Variants in HSPH1 observed in about 807,000 individuals in gnomAD.
HSPH1 encodes the protein heat shock protein family H (Hsp110) member 1.
Under a neutral mutation model 100.0 loss-of-function variants are expected in HSPH1, and 40 were observed. That is an observed-to-expected ratio of 0.40 (90% CI 0.31 to 0.52). HSPH1 has a LOEUF of 0.52. Among genes scored for constraint, HSPH1 ranks in the 20% least tolerant of loss-of-function variants. The pLI is 0.54. For synonymous variants in HSPH1, 403 were observed against 344.0 expected, an observed-to-expected ratio of 1.17 and a Z score of -1.90; for missense variants, 876 against 1,015.1, an observed-to-expected ratio of 0.86 and a Z score of 1.86.
chr13:31,149,945 A>G lies in HSPH1; in HGVS notation c.1137+9T>C, dbSNP rs1373635815. The G allele has an allele frequency of 5.0e-6, 8 of 1,607,638 alleles. No individual in the cohort carries two copies. Among genetic ancestry groups the G allele is most frequent in the Non-Finnish European group, 6.8e-6 (8 of 1,174,264 alleles). On this transcript the variant is annotated intron_variant, in intron 8 of 17. Coordinates refer to ENST00000320027, the MANE Select transcript of HSPH1 (RefSeq NM_006644.4). ...TGTACACCAAGCAAAAGCAGAGTTG[A>G]GAAAGTACCTGTAATGCACATCCTC... is the stretch of plus-strand genomic sequence containing the variant.
At chr13:31,143,771 T>G in intron 12 of HSPH1, 21 bp downstream of exon 12, 1 of 1,587,992 alleles carries the variant, frequency 6.3e-7, no homozygotes, top group Non-Finnish European at 8.6e-7. Context: ...TCTAATGGAA[T>G]GAACTAGAAG....
In HSPH1 at chr13:31,138,541, A is replaced by T. The variant is rs1237327691; in HGVS notation, c.2236T>A (p.Ser746Thr). The change falls in exon 17 of 18, where the codon TCT becomes ACT. Residue 746 changes from serine to threonine, a missense_variant. Ser to Thr is a moderately conservative substitution (Grantham distance 58, BLOSUM62 1). Transcript: ENST00000320027. ...KDEKYNHIDE[S>T]EMKKVEKSVN... ...GACTTCTCCACTTTTTTCATTTCAGACTCATCAATATGGTTGTATTTCTCA... is the reference window on the plus strand; with the variant it reads ...GACTTCTCCACTTTTTTCATTTCAGTCTCATCAATATGGTTGTATTTCTCA... 1.9e-6 allele frequency: 3 copies of T among 1,612,202 alleles called. No homozygotes were observed. The highest frequency in any genetic ancestry group is 3.3e-5 in the Admixed American group (2 of 59,708).
chr13:31,151,718 T>G lies in HSPH1; in HGVS notation c.554A>C (p.Lys185Thr). ...CTCATCCAGGCTTGGGAGATCCTGCTTATAAATTCCGTAATTCAAAGCAAC... is the reference window on the plus strand; with the variant it reads ...CTCATCCAGGCTTGGGAGATCCTGCGTATAAATTCCGTAATTCAAAGCAAC... ...TAVALNYGIYKQDLPSLDEKP... is the reference protein window; with the variant it reads ...TAVALNYGIYTQDLPSLDEKP... The change falls in exon 6 of 18, where the codon AAG becomes ACG. Residue 185 changes from lysine (K) to threonine (T), a missense_variant. Coordinates refer to ENST00000320027, the MANE Select transcript of HSPH1 (RefSeq NM_006644.4). 1 of 1,609,530 alleles carries G rather than the reference T, an allele frequency of 6.2e-7. No homozygotes were observed. Among genetic ancestry groups the G allele is most frequent in the Non-Finnish European group, 8.5e-7 (1 of 1,178,386 alleles).
intron 11 of HSPH1, among the ~76,000 whole-genome samples, chr13:31,144,952 A>G (rs1024837386): frequency 3.3e-5 from 5 of 152,170 alleles, no homozygotes; most frequent in African/African-American, 1.2e-4. Flanking sequence ...CTCCCTCTTA[A>G]GCTATTTCTA....
At chr13:31,150,339 A>C (rs1297989711) in intron 7 of HSPH1, among the ~76,000 whole-genome samples, 157 bp from the exon 8 acceptor site, 1 of 152,146 alleles carries the variant, frequency 6.6e-6, no homozygotes, top group African/African-American at 2.4e-5. Flanking sequence ...TTTGTTTTTG[A>C]TAAATACACC....
intron 1 of HSPH1, among the ~76,000 whole-genome samples, chr13:31,160,774 T>C (rs1381027958): frequency 1.3e-5 from 2 of 152,100 alleles, no homozygotes; most frequent in African/African-American, 4.8e-5. Flanking sequence ...TCCTCATGAA[T>C]GGCAAAGAGC....
intron 1 of HSPH1, among the ~76,000 whole-genome samples, chr13:31,159,518 C>T (rs150903913): frequency 3.3e-5 from 5 of 152,178 alleles, no homozygotes; most frequent in African/African-American, 1.2e-4. Flanking sequence ...AAGTGACTTA[C>T]AACTGTGAAA....
Position 31,150,990 on chromosome 13 carries a change from C to T in HSPH1, c.865G>A (p.Glu289Lys). 1 of 1,613,184 alleles carries T rather than the reference C, an allele frequency of 6.2e-7. No individual in the cohort carries two copies. Among genetic ancestry groups the T allele is most frequent in the Non-Finnish European group, 8.5e-7 (1 of 1,179,540 alleles). ...ACATCTTTATCATTCATAAAGCATT[C>T]GATATTCAGTGGAAGGTCTGTGCTG... ...SNSTDLPLNIECFMNDKDVSG... is the reference protein window; with the variant it reads ...SNSTDLPLNIKCFMNDKDVSG... The change falls in exon 7 of 18, where the codon GAA becomes AAA. Residue 289 changes from glutamate (E) to lysine (K), a missense_variant. Transcript: ENST00000320027.
At position 31,148,396 on chromosome 13, in the gene HSPH1, G is replaced by T; in HGVS notation, c.1222C>A (p.His408Asn). ...VPFPISLIWN[H>N]DSEDTEGVHE... ...TACCCTTCAGTATCTTCTGAATCAT[G>T]GTTCCAGATCAGAGATATTGGAAAA... The change falls in exon 9 of 18, where the codon CAT becomes AAT. Residue 408 changes from histidine to asparagine, a missense_variant. By Grantham distance (68) the His-to-Asn change is moderately conservative. Coordinates refer to ENST00000320027, the MANE Select transcript of HSPH1 (RefSeq NM_006644.4). The T allele has an allele frequency of 6.4e-7, 1 of 1,566,436 alleles. No individual in the cohort carries two copies. Among genetic ancestry groups the T allele is most frequent in the Non-Finnish European group, 8.7e-7 (1 of 1,148,066 alleles).
At chr13:31,158,346 C>T (rs914983548) in intron 2 of HSPH1, among the ~76,000 whole-genome samples, 4 of 152,014 alleles carry the variant, frequency 2.6e-5, no homozygotes, top group Non-Finnish European at 4.4e-5. Context: ...CTCAGGAGTT[C>T]GAGATCAGTC....
intron 11 of HSPH1, among the ~76,000 whole-genome samples, chr13:31,145,327 C>T (rs1476623416): frequency 6.6e-6 from 1 of 152,120 alleles, no homozygotes. Context: ...AAAACATCAT[C>T]TACTCTGTCA....
intron 14 of HSPH1, among the ~76,000 whole-genome samples, chr13:31,139,603 A>G (rs1379815406): frequency 6.6e-6 from 1 of 152,124 alleles, no homozygotes; most frequent in Non-Finnish European, 1.5e-5. Context: ...AAGGTAGCCC[A>G]GAGACCTTAG....
At chr13:31,143,949 G>C in intron 11 of HSPH1, 26 bp from the exon 12 acceptor site, 1 of 1,560,194 alleles carries the variant, frequency 6.4e-7, no homozygotes, top group Non-Finnish European at 8.7e-7. Context: ...AGGCACAAAG[G>C]ATGTAGAAAG....
Position 31,148,273 on chromosome 13 carries a change from A to ACTACTAGAGAAGTCATTTGTTAATGACT in HSPH1, c.1244+73_1244+100dup, listed in dbSNP as rs1305377360. On this transcript the variant is annotated intron_variant, in intron 9 of 17. Transcript: ENST00000320027. ...TTCAAAGATTCCAGGTAAATTAATG[A>ACTACTAGAGAAGTCATTTGTTAATGACT]CTACTAGAGAAGTCATTTGTTAATG... is the stretch of plus-strand genomic sequence containing the variant. The ACTACTAGAGAAGTCATTTGTTAATGACT allele has an allele frequency of 4.1e-6, 4 of 986,184 alleles. No individual in the cohort carries two copies. The African/African-American group carries it at 6.6e-5, about 16-fold the overall frequency. The allele number at this position is 986,184 out of a possible 1,614,324, so 61.1% of individuals were successfully genotyped here. A position where few individuals can be genotyped will look rare whatever the true frequency, so the allele number is the denominator to read the frequency against.
intron 10 of HSPH1, 32 bp downstream of exon 10, chr13:31,147,927 A>G (rs1229438856): frequency 1.3e-6 from 2 of 1,539,964 alleles, no homozygotes; most frequent in Non-Finnish European, 1.7e-6. Flanking sequence ...TCTTTAACTA[A>G]AAGAGTAAAA....
At chr13:31,161,283 T>C (rs530314419) in intron 1 of HSPH1, among the ~76,000 whole-genome samples, 193 bp downstream of exon 1, 4 of 152,052 alleles carry the variant, frequency 2.6e-5, no homozygotes, top group African/African-American at 9.6e-5. Context: ...GACAATCCCT[T>C]CTCCAATTTG....
Position 31,161,717 on chromosome 13 carries a change from T to G in HSPH1, c.-135A>C. 3 of 1,535,956 alleles carry G rather than the reference T, an allele frequency of 2.0e-6. No homozygotes were observed. Among genetic ancestry groups the G allele is most frequent in the Non-Finnish European group, 2.6e-6 (3 of 1,147,196 alleles). ...CGGGGTCTGGCCGTTCCTCTGACAC[T>G]CAGAAGGACACACAGACAGCCGCGG... On this transcript the variant is annotated 5_prime_UTR_variant, in exon 1 of 18. Coordinates refer to ENST00000320027, the MANE Select transcript of HSPH1 (RefSeq NM_006644.4).
At chr13:31,153,046 A>G in intron 4 of HSPH1, 95 bp from the exon 5 acceptor site, 1 of 812,970 alleles carries the variant, frequency 1.2e-6, no homozygotes, top group South Asian at 1.5e-5. Context: ...AGTCCAGCTA[A>G]GTAGGTGCCT....
chr13:31,152,974 GA>G, intron 4 of HSPH1, 23 bp from the exon 5 acceptor site: 1 of 1,458,244 alleles, frequency 6.9e-7, no homozygotes, highest in Non-Finnish European at 9.6e-7. Flanking sequence ...AAAAAATTTT[GA>G]ATTATCTAGA....
Sources: allele counts gnomAD v4.1 joint callset (sites outside exome capture counted in the v4.1 genomes callset), GRCh38; gene constraint gnomAD v4.1.1; transcripts MANE v1.5; gene names NCBI Gene and HGNC (gene_info 2026-07-23, HGNC 2026-07-21).